WWOX: variants seen among roughly 807,000 people sequenced by gnomAD.
WWOX encodes the protein WW domain containing oxidoreductase, also known as WW domain-containing oxidoreductase.
A neutral mutation model predicts 46.2 loss-of-function variants in WWOX; 69 were observed. The ratio of observed to expected loss-of-function variants is 1.49; its 90% CI spans 1.23 to 1.82. The LOEUF is 1.82. Among genes scored for constraint, WWOX ranks in the 40% most tolerant of loss-of-function variants. WWOX has a pLI of 0.00. For synonymous variants in WWOX, 359 were observed against 202.6 expected (o/e 1.77, Z -6.56); for missense variants, 919 against 542.6 (o/e 1.69, Z -6.89).
chr16:78,825,142 G>C (rs912690200), intron 8 of WWOX: 3 of 155,224 alleles, frequency 1.9e-5, no homozygotes, highest in African/African-American at 7.2e-5. Flanking sequence ...TAAGGTCATA[G>C]AGCAACCAAG....
chr16:78,551,286 C>A (rs1037587112), intron 8 of WWOX: 3 of 152,144 alleles, frequency 2.0e-5, no homozygotes, highest in Non-Finnish European at 2.9e-5. Flanking sequence ...TCTGGGTGAT[C>A]TTTAGATATC....
intron 8 of WWOX, among the ~76,000 whole-genome samples, chr16:79,090,828 T>C (rs956818338): frequency 6.6e-6 from 1 of 152,336 alleles, no homozygotes; most frequent in Admixed American, 6.5e-5. Flanking sequence ...TGTTTTTCTT[T>C]TTTTGAGACA....
intron 5 of WWOX, among the ~76,000 whole-genome samples, chr16:78,366,809 G>A (rs1388440627): frequency 2.6e-5 from 4 of 152,062 alleles, no homozygotes; most frequent in African/African-American, 9.7e-5. Flanking sequence ...AAGACAAAAT[G>A]AGCAGGTGGT....
At position 79,185,593 on chromosome 16, in the gene WWOX, C is replaced by T. The variant is rs567933883; in HGVS notation, c.1057-26015C>T. On this transcript the variant is annotated intron_variant, in intron 8 of 8. Transcript: ENST00000566780. ...GCACAGATCTCATGTCAAAGACAGG[C>T]GCGTCTGTCTTTCACGGCTTGGGTT... Among the ~76,000 whole-genome samples, 250 of 152,294 alleles carry T rather than the reference C, an allele frequency of 1.6e-3. 1 individual carries two copies. The highest frequency in any genetic ancestry group is 5.4e-3 in the African/African-American group (226 of 41,566).
intron 8 of WWOX, among the ~76,000 whole-genome samples, chr16:78,953,640 A>G (rs758671797): frequency 5.3e-5 from 8 of 152,186 alleles, no homozygotes; most frequent in African/African-American, 9.7e-5. Context: ...CCGTACTTCA[A>G]AACCTCTTAT....
At chr16:78,142,509 GT>G (rs1359592781) in intron 4 of WWOX, among the ~76,000 whole-genome samples, 1 of 152,172 alleles carries the variant, frequency 6.6e-6, no homozygotes, top group Non-Finnish European at 1.5e-5. Context: ...TATATTTGTG[GT>G]ATCTTAGTGG....
At chr16:79,009,531 G>C (rs935448515) in intron 8 of WWOX, among the ~76,000 whole-genome samples, 1 of 151,810 alleles carries the variant, frequency 6.6e-6, no homozygotes, top group Non-Finnish European at 1.5e-5. Context: ...GTAGTGGTGC[G>C]ATCTCGGCTC....
intron 5 of WWOX, among the ~76,000 whole-genome samples, chr16:78,292,769 G>C (rs2151861492): frequency 6.6e-6 from 1 of 152,298 alleles, no homozygotes; most frequent in African/African-American, 2.4e-5. Flanking sequence ...CTTCGTAGAA[G>C]AGCCAAATAG....
intron 8 of WWOX, among the ~76,000 whole-genome samples, chr16:78,845,198 A>G (rs1434367002): frequency 6.6e-6 from 1 of 151,070 alleles, no homozygotes; most frequent in Non-Finnish European, 1.5e-5. Flanking sequence ...AAAAAAAAGA[A>G]TCCATTCATA....
intron 8 of WWOX, among the ~76,000 whole-genome samples, chr16:78,933,309 C>T (rs1343382827): frequency 6.6e-6 from 1 of 152,166 alleles, no homozygotes; most frequent in Admixed American, 6.5e-5. Context: ...CATGGTGTCA[C>T]ATGCATGTAG....
At chr16:78,106,066 T>TGC (rs2032123741) in intron 1 of WWOX, among the ~76,000 whole-genome samples, 1 of 152,176 alleles carries the variant, frequency 6.6e-6, no homozygotes, top group South Asian at 2.1e-4. Flanking sequence ...CCTCCCAAAG[T>TGC]GCTGGGATTA....
At chr16:78,109,505 T>A (rs563708917) in intron 2 of WWOX, among the ~76,000 whole-genome samples, 1 of 152,338 alleles carries the variant, frequency 6.6e-6, no homozygotes, top group South Asian at 2.1e-4. Context: ...AGAATTCCCA[T>A]GGATTGGCAC....
chr16:78,982,609 C>A (rs372969783), intron 8 of WWOX, among the ~76,000 whole-genome samples: 1 of 152,114 alleles, frequency 6.6e-6, no homozygotes, highest in African/African-American at 2.4e-5. Context: ...TCTATGGCTT[C>A]TTGACAGGAG....
rs74871725 is a variant in WWOX, at chr16:79,048,285, C to T, written c.1057-163323C>T. 8.1e-3 allele frequency among the ~76,000 whole-genome samples: 1,239 copies of T among 152,208 alleles called. 23 individuals carry two copies. The highest frequency in any genetic ancestry group is 0.028 in the African/African-American group (1,152 of 41,522). On this transcript the variant is annotated intron_variant, in intron 8 of 8. Coordinates refer to ENST00000566780, the MANE Select transcript of WWOX (RefSeq NM_016373.4). ...AAAAGTGATCCTGAACCTCTCCATC[C>T]TTGCAAAGCTCAGATGGAAGCCCAG... is the stretch of plus-strand genomic sequence containing the variant.
chr16:78,732,648 C>G (rs73571660), intron 8 of WWOX, among the ~76,000 whole-genome samples: 11,385 of 152,176 alleles, frequency 0.075, 1,236 homozygotes, highest in African/African-American at 0.23. Flanking sequence ...GAAATTAAAA[C>G]TGTATACTTA....
chr16:78,968,092 C>CGCGTG (rs2046396918), intron 8 of WWOX, among the ~76,000 whole-genome samples: 9 of 129,350 alleles, frequency 7.0e-5, no homozygotes, highest in South Asian at 2.7e-4. Flanking sequence ...GTGCATGGTC[C>CGCGTG]GCATGGCACA....
Position 78,691,623 on chromosome 16 carries a change from G to C in WWOX, c.1056+258871G>C, listed in dbSNP as rs112205784. On this transcript the variant is annotated intron_variant, in intron 8 of 8. Coordinates refer to ENST00000566780, the MANE Select transcript of WWOX (RefSeq NM_016373.4). ...ACTGGGAGTCTGAGGCAAGGAAATTGTTTGAGCCTAGGAGGTTGAGAGTGC... is the reference window on the plus strand; with the variant it reads ...ACTGGGAGTCTGAGGCAAGGAAATTCTTTGAGCCTAGGAGGTTGAGAGTGC... Among the ~76,000 whole-genome samples the C allele has an allele frequency of 9.4e-3, 1,429 of 152,264 alleles. 17 individuals carry two copies. The highest frequency in any genetic ancestry group is 0.027 in the African/African-American group (1,128 of 41,540).
At chr16:78,229,596 C>T (rs2151806042) in intron 5 of WWOX, among the ~76,000 whole-genome samples, 1 of 151,122 alleles carries the variant, frequency 6.6e-6, no homozygotes, top group South Asian at 2.1e-4. Context: ...GAGTGATTAG[C>T]TTGAGGCGAT....
At chr16:78,745,786 C>A (rs975027753) in intron 8 of WWOX, among the ~76,000 whole-genome samples, 1 of 151,370 alleles carries the variant, frequency 6.6e-6, no homozygotes, top group Admixed American at 6.6e-5. Context: ...TCAAATAGTT[C>A]CAAGACCAGA....
Sources: gnomAD v4.1 joint callset for allele counts (sites outside exome capture counted in the v4.1 genomes callset) on GRCh38, gnomAD v4.1.1 for gene constraint, MANE v1.5 for transcripts, NCBI Gene and HGNC (gene_info 2026-07-23, HGNC 2026-07-21) for gene names.